INCENP: variants seen among roughly 807,000 people sequenced by gnomAD.
INCENP encodes inner centromere protein.
INCENP carries 43 observed loss-of-function variants against 107.3 expected under a neutral mutation model. The observed-to-expected ratio is 0.40, with a 90% CI of 0.31 to 0.52. The LOEUF is 0.52. Ranked by LOEUF, INCENP falls within the 20% of genes least tolerant of loss-of-function variation. The pLI is 0.53. For missense variants in INCENP, 1,089 were observed against 1,250.9 expected, an observed-to-expected ratio of 0.87 and a Z score of 1.95; for synonymous variants, 488 against 494.4, an observed-to-expected ratio of 0.99 and a Z score of 0.17.
At chr11:62,125,994 G>C (rs1421867282) in intron 1 of INCENP, among the ~76,000 whole-genome samples, 1 of 152,214 alleles carries the variant, frequency 6.6e-6, no homozygotes, top group Non-Finnish European at 1.5e-5. Context: ...TGAGGAGTGA[G>C]CCATACAAAA....
intron 13 of INCENP, 121 bp from the exon 14 acceptor site, chr11:62,145,508 G>A (rs1224926494): frequency 1.9e-5 from 26 of 1,371,138 alleles, no homozygotes; most frequent in Non-Finnish European, 2.6e-5. Flanking sequence ...TCCTCTCCCT[G>A]GGTGGTGGGA....
intron 3 of INCENP, 90 bp from the exon 4 acceptor site, chr11:62,129,692 A>G: frequency 9.2e-7 from 1 of 1,083,766 alleles, no homozygotes; most frequent in Non-Finnish European, 1.3e-6. Flanking sequence ...TTCTCTTATC[A>G]TACTCTATCC....
rs981008294 is a variant in INCENP at position 62,128,829 on chromosome 11, A to G, written c.200A>G (p.Lys67Arg). ...ACACCTTCTCAGAAGAACCGACGGAAGAAGAGACGGATTTCTTATGTTCAG... is the reference window on the plus strand; with the variant it reads ...ACACCTTCTCAGAAGAACCGACGGAGGAAGAGACGGATTTCTTATGTTCAG... ...PKTPSQKNRR[K>R]KRRISYVQDE... Residue 67 changes from lysine (K) to arginine (R), a missense_variant, in exon 3 of 19, where the codon AAG becomes AGG. Coordinates refer to ENST00000394818, the MANE Select transcript of INCENP (RefSeq NM_001040694.2). The G allele has an allele frequency of 5.0e-6, 8 of 1,614,176 alleles. No homozygotes were observed. The Middle Eastern group carries it at 6.6e-4, about 133-fold the overall frequency.
chr11:62,137,919 G>C, intron 5 of INCENP, 36 bp downstream of exon 5: 1 of 1,590,634 alleles, frequency 6.3e-7, no homozygotes, highest in Non-Finnish European at 8.6e-7. Context: ...GGTAGGCAGG[G>C]CATACCAGGA....
chr11:62,141,406 C>A, intron 10 of INCENP, 94 bp from the exon 11 acceptor site: 1 of 1,541,284 alleles, frequency 6.5e-7, no homozygotes. Flanking sequence ...AGGCCCCACG[C>A]AGGCTTGCTG....
chr11:62,146,928 C>G (rs768373928), intron 15 of INCENP, 26 bp downstream of exon 15: 13 of 1,597,442 alleles, frequency 8.1e-6, no homozygotes, highest in Admixed American at 1.7e-5. Context: ...GCCCGCCTGC[C>G]TGCCTTCCAT....
At position 62,145,709 on chromosome 11, in the gene INCENP, G is replaced by A; in HGVS notation, c.1917G>A (p.Arg639=). 1 of 1,559,244 alleles carries A rather than the reference G, an allele frequency of 6.4e-7. No homozygotes were observed. The highest frequency in any genetic ancestry group is 8.7e-7 in the Non-Finnish European group (1 of 1,151,590). The stretch of plus-strand genomic sequence containing the variant: ...AGATGGAGGAGGTGGAAGCACGCAG[G>A]AAGCAGGAAGAGGAGGCACGTAGGC... ...AKKMEEVEAR[R]KQEEEARRLR... The change falls in exon 14 of 19, where the codon AGG becomes AGA. Residue 639 remains arginine (R), a synonymous_variant. Coordinates refer to ENST00000394818, the MANE Select transcript of INCENP (RefSeq NM_001040694.2).
chr11:62,151,014 T>C (rs766877656), intron 18 of INCENP, among the ~76,000 whole-genome samples: 1 of 152,212 alleles, frequency 6.6e-6, no homozygotes, highest in Non-Finnish European at 1.5e-5. Flanking sequence ...TCTTAACTAC[T>C]AGTGTCAAGT....
intron 15 of INCENP, among the ~76,000 whole-genome samples, chr11:62,147,665 T>A (rs1944281675): frequency 6.6e-6 from 1 of 152,064 alleles, no homozygotes. Context: ...GGGCAGCACG[T>A]TTTTTCCGTG....
chr11:62,129,602 G>A (rs535705583), intron 3 of INCENP, among the ~76,000 whole-genome samples, 180 bp from the exon 4 acceptor site: 56 of 152,312 alleles, frequency 3.7e-4, no homozygotes, highest in African/African-American at 1.3e-3. Context: ...GGAAGACTGC[G>A]GCTCAGACAA....
Position 62,146,674 on chromosome 11 carries a change from G to C in INCENP, c.1976G>C (p.Arg659Pro). Residue 659 changes from arginine to proline, a missense_variant, in exon 15 of 19, where the codon CGG becomes CCG. Physicochemically the swap from Arg to Pro is moderately radical, Grantham distance 103. Coordinates refer to ENST00000394818, the MANE Select transcript of INCENP (RefSeq NM_001040694.2). ...RWLQQEEEER[R>P]HQELLQKKKE... is the part of the protein sequence containing the mutation. Reference sequence around the variant, plus strand: ...CTGTTTCAGGAGGAGGAAGAGCGGCGGCACCAAGAGCTGCTGCAGAAGAAG... The same window carrying C: ...CTGTTTCAGGAGGAGGAAGAGCGGCCGCACCAAGAGCTGCTGCAGAAGAAG... The C allele has an allele frequency of 6.4e-7, 1 of 1,550,980 alleles. No homozygotes were observed. Among genetic ancestry groups the C allele is most frequent in the African/African-American group, 1.4e-5 (1 of 73,148 alleles).
intron 6 of INCENP, 24 bp downstream of exon 6, chr11:62,138,794 G>C: frequency 1.9e-6 from 3 of 1,613,568 alleles, no homozygotes; most frequent in Non-Finnish European, 2.5e-6. Context: ...CTGGGGAAGG[G>C]AGGACTCACC....
intron 1 of INCENP, among the ~76,000 whole-genome samples, chr11:62,124,493 G>A (rs1943708076): frequency 6.6e-6 from 1 of 152,222 alleles, no homozygotes; most frequent in Non-Finnish European, 1.5e-5. Flanking sequence ...GTTGTTTGGC[G>A]GAATGATGCC....
At chr11:62,131,749 G>A (rs1943897903) in intron 4 of INCENP, among the ~76,000 whole-genome samples, 1 of 152,058 alleles carries the variant, frequency 6.6e-6, no homozygotes, top group African/African-American at 2.4e-5. Flanking sequence ...GGGCAAAGCA[G>A]CGGATTGGTG....
chr11:62,125,656 G>A (rs1766164975), intron 1 of INCENP, among the ~76,000 whole-genome samples: 1 of 152,252 alleles, frequency 6.6e-6, no homozygotes, highest in Non-Finnish European at 1.5e-5. Flanking sequence ...AACCTGTGCA[G>A]ATTAAGTTTA....
rs879171183 is a variant in INCENP at position 62,148,277 on chromosome 11, T to TC, written c.2205-196dup. On this transcript the variant is annotated intron_variant, in intron 15 of 18. Coordinates refer to ENST00000394818, the MANE Select transcript of INCENP (RefSeq NM_001040694.2). ...CCAAATGTTGGGCTCCAGCTTGTGT[T>TC]CCCTGCACCCTCAGGTGTGCACACT... Among the ~76,000 whole-genome samples the TC allele has an allele frequency of 5.3e-5, 8 of 152,332 alleles. No homozygotes were observed. The South Asian group carries it at 1.7e-3, about 32-fold the overall frequency.
intron 4 of INCENP, among the ~76,000 whole-genome samples, chr11:62,134,026 T>C (rs1420538132): frequency 6.6e-6 from 1 of 152,210 alleles, no homozygotes; most frequent in Non-Finnish European, 1.5e-5. Context: ...CCTCTTTTTT[T>C]CCTGCCTCAT....
At chr11:62,138,665 G>T (rs1471968137) in intron 5 of INCENP, 48 bp from the exon 6 acceptor site, 1 of 1,579,468 alleles carries the variant, frequency 6.3e-7, no homozygotes. Flanking sequence ...TAGGGGGAGG[G>T]CTTGGACTAG....
At position 62,148,560 on chromosome 11, in the gene INCENP, G is replaced by T; in HGVS notation, c.2283+6G>T. 6.2e-7 allele frequency: 1 copy of T among 1,602,392 alleles called. No homozygotes were observed. Reference sequence around the variant, plus strand: ...TGGAGGAGAAGAAGAAGAAGGTGAGGGGAGCTGGGTTGCGGGCTCCCCTGG... The same window carrying T: ...TGGAGGAGAAGAAGAAGAAGGTGAGTGGAGCTGGGTTGCGGGCTCCCCTGG... On this transcript the variant is annotated splice_donor_region_variant and intron_variant, in intron 16 of 18. Coordinates refer to ENST00000394818, the MANE Select transcript of INCENP (RefSeq NM_001040694.2).
Sources: allele counts gnomAD v4.1 joint callset (sites outside exome capture counted in the v4.1 genomes callset), GRCh38; gene constraint gnomAD v4.1.1; transcripts MANE v1.5; gene names NCBI Gene and HGNC (gene_info 2026-07-23, HGNC 2026-07-21).